PRMT5: variants seen among roughly 807,000 people sequenced by gnomAD.
PRMT5 encodes the protein protein arginine N-methyltransferase 5.
PRMT5 carries 15 observed loss-of-function variants against 84.0 expected under a neutral mutation model. The ratio of observed to expected loss-of-function variants is 0.18; its 90% CI spans 0.12 to 0.28. The LOEUF is 0.28. PRMT5 is among the 10% of genes least tolerant of loss of function. The probability of loss-of-function intolerance (pLI) is 1.00; values close to 1 mark genes in which losing one functional copy is unlikely to be tolerated. For synonymous variants in PRMT5, 276 were observed against 292.4 expected (o/e 0.94, Z 0.57); for missense variants, 486 against 808.0 (o/e 0.60, Z 4.83).
Position 22,928,626 on chromosome 14 carries a change from G to A in PRMT5, c.111-11C>T, listed in dbSNP as rs754272352. ...CAGAGGAAATCAAACCTACAACCGC[G>A]ACAGACCCAGAATCATGTAAAGACA... On this transcript the variant is annotated splice_polypyrimidine_tract_variant and intron_variant, in intron 1 of 16. Coordinates refer to ENST00000324366, the MANE Select transcript of PRMT5 (RefSeq NM_006109.5). This position sits in a 1 kb window ranked among gnomAD's most constrained non-coding sequence, Gnocchi z 4.8. 6 of 1,574,184 alleles carry A rather than the reference G, an allele frequency of 3.8e-6. No homozygotes were observed. The highest frequency in any genetic ancestry group is 5.2e-6 in the Non-Finnish European group (6 of 1,143,802).
Position 22,922,741 on chromosome 14 carries a change from C to T in PRMT5, c.1579+1G>A. On this transcript the variant is annotated splice_donor_variant, in intron 14 of 16. Transcript: ENST00000324366. LOFTEE classifies it high-confidence loss of function. The stretch of plus-strand genomic sequence containing the variant: ...CAGAGGACAGCCATAAAAGAACCTA[C>T]CTCTGTTGGGATGGCTGAAGGTGAA... The T allele has an allele frequency of 6.2e-7, 1 of 1,613,864 alleles. No individual in the cohort carries two copies. Among genetic ancestry groups the T allele is most frequent in the Non-Finnish European group, 8.5e-7 (1 of 1,179,824 alleles).
At chr14:22,925,576 T>C (rs1432461199) in intron 7 of PRMT5, among the ~76,000 whole-genome samples, 8 of 151,854 alleles carry the variant, frequency 5.3e-5, no homozygotes, top group Admixed American at 3.9e-4. Flanking sequence ...TCCCAATACT[T>C]TGGAAGGCCG....
chr14:22,927,988 T>A (rs942085972), intron 3 of PRMT5, 138 bp downstream of exon 3: 1 of 783,612 alleles, frequency 1.3e-6, no homozygotes, highest in African/African-American at 1.7e-5. Context: ...GGATTATAGG[T>A]GTGCACCACA....
Position 22,926,743 on chromosome 14 carries a change from T to C in PRMT5, c.522A>G (p.Thr174=), listed in dbSNP as rs1325871135. 1 of 1,614,134 alleles carries C rather than the reference T, an allele frequency of 6.2e-7. No individual in the cohort carries two copies. The highest frequency in any genetic ancestry group is 8.5e-7 in the Non-Finnish European group (1 of 1,179,994). ...CCTCCCCACTGTACTCCTCTGTGTG[T>C]GTAGTTGGTGCATTCTCAATTATAT... ...RDDIIENAPT[T]HTEEYSGEEK... The change falls in exon 5 of 17, where the codon ACA becomes ACG. Residue 174 remains threonine (T), a synonymous_variant. Coordinates refer to ENST00000324366, the MANE Select transcript of PRMT5 (RefSeq NM_006109.5).
chr14:22,927,062 T>C (rs1457824848), intron 4 of PRMT5, among the ~76,000 whole-genome samples: 3 of 151,356 alleles, frequency 2.0e-5, no homozygotes, highest in South Asian at 2.1e-4. Flanking sequence ...CACTTTTAGA[T>C]GGAGAGGTGC....
rs918058433 is a variant in PRMT5, at chr14:22,928,066, G to T, written c.315+60C>A. ...TACCAAGTTATTGGGGATGGGAGGG[G>T]ACCACTCTCCCCACCCAGCTTGGTT... On this transcript the variant is annotated intron_variant, in intron 3 of 16. Transcript: ENST00000324366. The surrounding 1 kb of genome is among the most constrained non-coding windows in gnomAD (Gnocchi z 4.8). The T allele has an allele frequency of 1.5e-5, 22 of 1,439,340 alleles. No individual in the cohort carries two copies. The highest frequency in any genetic ancestry group is 4.8e-6 in the Non-Finnish European group (5 of 1,034,378). The allele number at this position is 1,439,340 out of a possible 1,614,324, so 89.2% of individuals were successfully genotyped here.
In PRMT5 at chr14:22,928,535, C is replaced by T; in HGVS notation, c.191G>A (p.Gly64Asp). Residue 64 changes from glycine to aspartate, a missense_variant, in exon 2 of 17, where the codon GGT becomes GAT. This residue lies in a region of PRMT5 where 215 missense variants were observed against 301.1 expected (regional missense o/e 0.71). Coordinates refer to ENST00000324366, the MANE Select transcript of PRMT5 (RefSeq NM_006109.5). This position sits in a 1 kb window ranked among gnomAD's most constrained non-coding sequence, Gnocchi z 4.8. ...FIQEPAKNRP[G>D]PQTRSDLLLS... is the part of the protein sequence containing the mutation. Reference sequence around the variant, plus strand: ...CAGTAGGTCTGATCGTGTCTGGGGACCGGGCCGATTCTTAGCAGGTTCCTG... The same window carrying T: ...CAGTAGGTCTGATCGTGTCTGGGGATCGGGCCGATTCTTAGCAGGTTCCTG... 2 of 1,613,992 alleles carry T rather than the reference C, an allele frequency of 1.2e-6. No homozygotes were observed. Among genetic ancestry groups the T allele is most frequent in the Non-Finnish European group, 1.7e-6 (2 of 1,179,876 alleles).
Position 22,928,747 on chromosome 14 carries a change from G to A in PRMT5, c.111-132C>T. The A allele has an allele frequency of 1.3e-6, 1 of 767,550 alleles. No individual in the cohort carries two copies. Among genetic ancestry groups the A allele is most frequent in the Non-Finnish European group, 2.3e-6 (1 of 434,274 alleles). The allele number at this position is 767,550 out of a possible 1,614,324, so 47.5% of individuals were successfully genotyped here. A position where few individuals can be genotyped will look rare whatever the true frequency, so the allele number is the denominator to read the frequency against. On this transcript the variant is annotated intron_variant, in intron 1 of 16. Coordinates refer to ENST00000324366, the MANE Select transcript of PRMT5 (RefSeq NM_006109.5). This position sits in a 1 kb window ranked among gnomAD's most constrained non-coding sequence, Gnocchi z 4.8. ...TCAGTTCAGCCTACTAGGCTGCTGA[G>A]TTCAGACCACCTTGGGGGATATCAA... is the stretch of plus-strand genomic sequence containing the variant.
Position 22,923,019 on chromosome 14 carries a change from AC to A in PRMT5, c.1485+31del. 6.6e-7 allele frequency: 1 copy of A among 1,522,260 alleles called. No individual in the cohort carries two copies. Among genetic ancestry groups the A allele is most frequent in the Non-Finnish European group, 9.1e-7 (1 of 1,101,686 alleles). The allele number at this position is 1,522,260 out of a possible 1,614,324, so 94.3% of individuals were successfully genotyped here. A position where few individuals can be genotyped will look rare whatever the true frequency, so the allele number is the denominator to read the frequency against. On this transcript the variant is annotated intron_variant, in intron 13 of 16. Coordinates refer to ENST00000324366, the MANE Select transcript of PRMT5 (RefSeq NM_006109.5). The surrounding 1 kb of genome is among the most constrained non-coding windows in gnomAD (Gnocchi z 5.2). ...CAGAAAAAGAAGAGGACTAAAGAGT[AC>A]CACTTCTTTCCAGAGAGAGTGGTTC...
In PRMT5 at chr14:22,926,822, T is replaced by A; in HGVS notation, c.451-8A>T. ...GGGTACCCGCATCCAGAACTGCACA[T>A]GAACAGTCACCCTTTTAGAACTCTC... On this transcript the variant is annotated splice_polypyrimidine_tract_variant and splice_region_variant and intron_variant, in intron 4 of 16. Transcript: ENST00000324366. The A allele has an allele frequency of 6.3e-7, 1 of 1,592,324 alleles. No individual in the cohort carries two copies. Among genetic ancestry groups the A allele is most frequent in the Non-Finnish European group, 8.6e-7 (1 of 1,160,154 alleles).
At position 22,924,553 on chromosome 14, in the gene PRMT5, A is replaced by C. The variant is rs762122223; in HGVS notation, c.1018-16T>G. 6.2e-7 allele frequency: 1 copy of C among 1,613,698 alleles called. No individual in the cohort carries two copies. Among genetic ancestry groups the C allele is most frequent in the South Asian group, 1.1e-5 (1 of 91,076 alleles). On this transcript the variant is annotated splice_polypyrimidine_tract_variant and intron_variant, in intron 9 of 16. Coordinates refer to ENST00000324366, the MANE Select transcript of PRMT5 (RefSeq NM_006109.5). The surrounding 1 kb of genome is among the most constrained non-coding windows in gnomAD (Gnocchi z 6.5). ...TATAGATGGCCTGGAGGGAGGAGAG[A>C]ATATCCCATGGTTGTAATCCCATCC...
intron 13 of PRMT5, 72 bp downstream of exon 13, chr14:22,922,979 T>G: frequency 7.0e-7 from 1 of 1,431,690 alleles, no homozygotes; most frequent in Non-Finnish European, 9.7e-7. Flanking sequence ...CAGAAGAAAA[T>G]AGCTGATGCA....
At chr14:22,921,973 C>A (rs1489846922) in intron 16 of PRMT5, among the ~76,000 whole-genome samples, 1 of 150,972 alleles carries the variant, frequency 6.6e-6, no homozygotes, top group Non-Finnish European at 1.5e-5. Context: ...AGAGAACAGA[C>A]AGAAGAGTAG....
chr14:22,921,500 G>C (rs187077293), intron 16 of PRMT5, among the ~76,000 whole-genome samples: 2 of 152,264 alleles, frequency 1.3e-5, no homozygotes, highest in East Asian at 3.9e-4. Context: ...GCAAACACTC[G>C]ATCACATCAA....
intron 13 of PRMT5, 48 bp from the exon 14 acceptor site, chr14:22,922,883 A>G: frequency 6.4e-7 from 1 of 1,563,838 alleles, no homozygotes; most frequent in Middle Eastern, 1.7e-4. Context: ...GACACACAAG[A>G]GAGAACTACT....
intron 7 of PRMT5, 112 bp from the exon 8 acceptor site, chr14:22,925,152 T>G: frequency 2.9e-6 from 2 of 690,296 alleles, no homozygotes; most frequent in Non-Finnish European, 4.0e-6. Flanking sequence ...AACAGTTCTC[T>G]TTTTTTTTTT....
chr14:22,920,562 C>T lies in PRMT5; in HGVS notation c.*342G>A. The T allele has an allele frequency of 4.1e-6, 2 of 488,048 alleles. No individual in the cohort carries two copies. Among genetic ancestry groups the T allele is most frequent in the African/African-American group, 2.0e-5 (1 of 51,006 alleles). The allele number at this position is 488,048 out of a possible 1,614,324, so 30.2% of individuals were successfully genotyped here. A position where few individuals can be genotyped will look rare whatever the true frequency, so the allele number is the denominator to read the frequency against. On this transcript the variant is annotated 3_prime_UTR_variant, in exon 17 of 17. Transcript: ENST00000324366. The stretch of plus-strand genomic sequence containing the variant: ...AGGGCTATAACTTTATTTGTATTTC[C>T]TCTTACACAAAACCATCAAAACAAG...
chr14:22,923,197 G>T lies in PRMT5; in HGVS notation c.1376-37C>A. ...GAGAGTCAAATTAGTTCCAGAGGGA[G>T]GGAAATGGTATGTCTGTACTAACTG... On this transcript the variant is annotated intron_variant, in intron 12 of 16. Coordinates refer to ENST00000324366, the MANE Select transcript of PRMT5 (RefSeq NM_006109.5). The surrounding 1 kb of genome is among the most constrained non-coding windows in gnomAD (Gnocchi z 5.2). The T allele has an allele frequency of 6.7e-7, 1 of 1,486,340 alleles. No homozygotes were observed. Among genetic ancestry groups the T allele is most frequent in the Non-Finnish European group, 9.3e-7 (1 of 1,080,298 alleles). 92.1% of individuals were successfully genotyped at this position (1,486,340 alleles called of 1,614,324 possible).
intron 16 of PRMT5, among the ~76,000 whole-genome samples, chr14:22,921,831 G>A (rs1335116694): frequency 2.8e-5 from 4 of 141,384 alleles, no homozygotes; most frequent in Admixed American, 7.5e-5. Flanking sequence ...GCAGTGAGCC[G>A]AAATTGTGCC....
Sources: allele counts gnomAD v4.1 joint callset (sites outside exome capture counted in the v4.1 genomes callset), GRCh38; gene constraint gnomAD v4.1.1; regional missense constraint gnomAD v4.1.1; non-coding constraint Gnocchi (gnomAD v3.1); transcripts MANE v1.5; gene names NCBI Gene and HGNC (gene_info 2026-07-23, HGNC 2026-07-21).